NRG3: variants seen among roughly 807,000 people sequenced by gnomAD.
NRG3 encodes pro-neuregulin-3, membrane-bound isoform.
Under a neutral mutation model 66.9 loss-of-function variants are expected in NRG3, and 31 were observed. The ratio of observed to expected loss-of-function variants is 0.46; its 90% CI spans 0.35 to 0.63. NRG3 has a LOEUF of 0.63. Among genes scored for constraint, NRG3 ranks in the 20% least tolerant of loss-of-function variants. The pLI is 0.00. For synonymous variants in NRG3, 393 were observed against 359.4 expected (o/e 1.09, Z -1.06); for missense variants, 910 against 878.9 (o/e 1.04, Z -0.45).
At chr10:82,041,644 C>T (rs963228070) in intron 1 of NRG3, among the ~76,000 whole-genome samples, 2 of 152,118 alleles carry the variant, frequency 1.3e-5, no homozygotes, top group African/African-American at 4.8e-5. Context: ...CTCAAAATAT[C>T]TGTAGGGGGC....
chr10:82,167,868 G>A (rs981802074), intron 1 of NRG3, among the ~76,000 whole-genome samples: 2 of 151,672 alleles, frequency 1.3e-5, no homozygotes, highest in Admixed American at 6.6e-5. Context: ...TTTTATGTTT[G>A]TTATTTACCT....
At chr10:82,221,410 C>G (rs1028251120) in intron 1 of NRG3, among the ~76,000 whole-genome samples, 6 of 152,144 alleles carry the variant, frequency 3.9e-5, no homozygotes, top group Non-Finnish European at 8.8e-5. Flanking sequence ...AGCCTTCCAG[C>G]CCCCCTCCAT....
At chr10:82,228,567 T>C (rs780014464) in intron 1 of NRG3, among the ~76,000 whole-genome samples, 3 of 152,142 alleles carry the variant, frequency 2.0e-5, no homozygotes, top group Non-Finnish European at 4.4e-5. Context: ...AGTTACCACA[T>C]TGAATGTAAC....
At chr10:82,715,387 G>A (rs190567545) in intron 2 of NRG3, among the ~76,000 whole-genome samples, 2 of 152,090 alleles carry the variant, frequency 1.3e-5, no homozygotes, top group African/African-American at 4.8e-5. Context: ...ACAAAGTCTT[G>A]GATGTGAATC....
At chr10:82,824,615 C>T (rs1168840122) in intron 3 of NRG3, among the ~76,000 whole-genome samples, 2 of 152,072 alleles carry the variant, frequency 1.3e-5, no homozygotes, top group African/African-American at 4.8e-5. Context: ...CTCTACCTAA[C>T]AGCTAGTAAT....
At chr10:82,349,313 A>G (rs11498813) in intron 1 of NRG3, among the ~76,000 whole-genome samples, 6,882 of 151,972 alleles carry the variant, frequency 0.045, 525 homozygotes, top group African/African-American at 0.15. Flanking sequence ...GGTCTGTTGG[A>G]ATACCCTGCC....
intron 1 of NRG3, among the ~76,000 whole-genome samples, chr10:82,200,100 A>C (rs558757392): frequency 6.6e-6 from 1 of 152,294 alleles, no homozygotes; most frequent in East Asian, 1.9e-4. Flanking sequence ...CACCTCCTTA[A>C]TATCAGACAC....
chr10:82,680,006 A>T (rs1400934300), intron 2 of NRG3, among the ~76,000 whole-genome samples: 1 of 152,190 alleles, frequency 6.6e-6, no homozygotes, highest in African/African-American at 2.4e-5. Flanking sequence ...TATCAATGCC[A>T]TGGTTTGTAC....
intron 3 of NRG3, among the ~76,000 whole-genome samples, chr10:82,848,301 G>A (rs1427983860): frequency 6.6e-6 from 1 of 152,206 alleles, no homozygotes; most frequent in Admixed American, 6.5e-5. Context: ...AGGTAACCCA[G>A]ATGTGAGGAC....
chr10:82,010,774 A>T (rs1414789543), intron 1 of NRG3, among the ~76,000 whole-genome samples: 2 of 152,176 alleles, frequency 1.3e-5, no homozygotes, highest in African/African-American at 4.8e-5. Context: ...TTCCTTTCTA[A>T]GCACAGGACT....
At position 82,176,902 on chromosome 10, in the gene NRG3, CACAA is replaced by C. The variant is rs1160628736; in HGVS notation, c.824-181833_824-181830del. Among the ~76,000 whole-genome samples, 115 of 151,468 alleles carry C rather than the reference CACAA, an allele frequency of 7.6e-4. 1 individual carries two copies. Among genetic ancestry groups the C allele is most frequent in the African/African-American group, 2.6e-3 (109 of 41,284 alleles). ...CAAGACACACACACACACACACACA[CACAA>C]ACACACACACACACTCGGAGGGTTT... On this transcript the variant is annotated intron_variant, in intron 1 of 8. Coordinates refer to ENST00000372141, the MANE Select transcript of NRG3 (RefSeq NM_001010848.4).
chr10:82,159,763 AGGTAAATGTCCTG>A (rs1211397904), intron 1 of NRG3, among the ~76,000 whole-genome samples: 4 of 151,902 alleles, frequency 2.6e-5, no homozygotes. Flanking sequence ...GAATCAAGGA[AGGTAAATGTCCTG>A]GGTTCTATAC....
chr10:82,141,466 G>A (rs79009814), intron 1 of NRG3, among the ~76,000 whole-genome samples: 3,406 of 152,164 alleles, frequency 0.022, 133 homozygotes, highest in African/African-American at 0.078. Flanking sequence ...TTTACAGAAA[G>A]AAAGCATTAC....
At chr10:82,010,138 T>G (rs2132626102) in intron 1 of NRG3, among the ~76,000 whole-genome samples, 1 of 152,294 alleles carries the variant, frequency 6.6e-6, no homozygotes. Context: ...TGAAGGAATT[T>G]CCAATAAGTT....
At chr10:82,983,206 C>A (rs971253451) in intron 8 of NRG3, among the ~76,000 whole-genome samples, 4 of 152,170 alleles carry the variant, frequency 2.6e-5, no homozygotes, top group Non-Finnish European at 5.9e-5. Context: ...ACTGGTGAAC[C>A]TGACAGGCAG....
intron 2 of NRG3, among the ~76,000 whole-genome samples, chr10:82,505,499 G>A (rs975651029): frequency 7.9e-5 from 12 of 152,274 alleles, no homozygotes; most frequent in Middle Eastern, 3.4e-3. Context: ...TTGTCAAATT[G>A]GGCCACAGGA....
intron 4 of NRG3, among the ~76,000 whole-genome samples, chr10:82,871,982 C>T (rs930117888): frequency 6.6e-6 from 1 of 151,762 alleles, no homozygotes; most frequent in East Asian, 1.9e-4. Flanking sequence ...AACTTTGCCT[C>T]GTTCATAATC....
chr10:82,517,671 ATGTGTG>A (rs140575448), intron 2 of NRG3, among the ~76,000 whole-genome samples: 1,708 of 133,040 alleles, frequency 0.013, 14 homozygotes, highest in Middle Eastern at 0.075. Flanking sequence ...GTGTGTGTGC[ATGTGTG>A]TGTGTGTGTG....
At chr10:82,476,801 A>G (rs899373701) in intron 2 of NRG3, among the ~76,000 whole-genome samples, 1 of 152,318 alleles carries the variant, frequency 6.6e-6, no homozygotes, top group African/African-American at 2.4e-5. Context: ...TCACACAACA[A>G]TGTACTTAAT....
Sources: allele counts gnomAD v4.1 joint callset (sites outside exome capture counted in the v4.1 genomes callset), GRCh38; gene constraint gnomAD v4.1.1; transcripts MANE v1.5; gene names NCBI Gene and HGNC (gene_info 2026-07-23, HGNC 2026-07-21).